Variants in ERC1 observed in about 807,000 individuals in gnomAD.
ERC1 encodes the protein RAB6 interacting protein 2.
A neutral mutation model predicts 132.0 loss-of-function variants in ERC1; 56 were observed. The ratio of observed to expected loss-of-function variants is 0.42; its 90% CI spans 0.34 to 0.53. The LOEUF (loss-of-function observed/expected upper bound fraction) is 0.53, where lower values mean the gene tolerates loss of function less well. Ranked by LOEUF, ERC1 falls within the 20% of genes least tolerant of loss-of-function variation. The pLI, the probability that ERC1 is intolerant of heterozygous loss-of-function variation, is 0.03. For synonymous variants in ERC1, 478 were observed against 476.1 expected, an observed-to-expected ratio of 1.00 and a Z score of -0.05; for missense variants, 1,202 against 1,349.9, an observed-to-expected ratio of 0.89 and a Z score of 1.72.
chr12:1,375,639 G>C (rs535482661), intron 16 of ERC1, among the ~76,000 whole-genome samples: 1 of 151,574 alleles, frequency 6.6e-6, no homozygotes, highest in South Asian at 2.1e-4. Flanking sequence ...TCCATTCCCT[G>C]TCACTGATAG....
chr12:1,093,922 A>T (rs1427570001), intron 3 of ERC1, among the ~76,000 whole-genome samples: 5 of 84,174 alleles, frequency 5.9e-5, no homozygotes, highest in Admixed American at 1.4e-4. Flanking sequence ...TCTATATATA[A>T]ATGTATATTT....
intron 16 of ERC1, chr12:1,386,529 T>TCCCAGCTA (rs2154380662): frequency 6.6e-6 from 1 of 151,340 alleles, no homozygotes. Context: ...ACACCTGTAA[T>TCCCAGCTA]CCCAGCTACT....
chr12:1,104,073 A>G (rs895199910), intron 3 of ERC1, among the ~76,000 whole-genome samples: 1 of 151,846 alleles, frequency 6.6e-6, no homozygotes, highest in Non-Finnish European at 1.5e-5. Flanking sequence ...GTAACCTGGA[A>G]GGCTCTGATA....
chr12:1,440,620 G>GT, intron 17 of ERC1, among the ~76,000 whole-genome samples: 1 of 94,368 alleles, frequency 1.1e-5, no homozygotes, highest in African/African-American at 8.7e-5. Context: ...GTGTGTGTGT[G>GT]TGTGTGTGTG....
chr12:1,222,225 T>TC (rs112132035), intron 12 of ERC1, among the ~76,000 whole-genome samples: 1 of 50,626 alleles, frequency 2.0e-5, no homozygotes, highest in African/African-American at 2.0e-4. Flanking sequence ...ACATATTCTC[T>TC]TTTTTTTTTT....
At chr12:1,359,437 G>C (rs765291529) in intron 15 of ERC1, among the ~76,000 whole-genome samples, 1 of 152,084 alleles carries the variant, frequency 6.6e-6, no homozygotes, top group African/African-American at 2.4e-5. Context: ...AGAAATTTTG[G>C]CTTATGGTTC....
chr12:1,137,924 CATATT>C (rs1476927416), intron 7 of ERC1, among the ~76,000 whole-genome samples: 27 of 134,906 alleles, frequency 2.0e-4, no homozygotes, highest in South Asian at 4.4e-4. Context: ...TTATATAATA[CATATT>C]ATATAATATA....
intron 17 of ERC1, among the ~76,000 whole-genome samples, chr12:1,442,986 C>T (rs577508851): frequency 1.5e-4 from 23 of 152,086 alleles, no homozygotes; most frequent in Admixed American, 5.9e-4. Flanking sequence ...CGGCTCACTG[C>T]AAGCTCCACC....
intron 18 of ERC1, among the ~76,000 whole-genome samples, chr12:1,479,630 G>T (rs1325161094): frequency 6.6e-6 from 1 of 152,182 alleles, no homozygotes; most frequent in African/African-American, 2.4e-5. Flanking sequence ...CTTGTGAGAT[G>T]CAGATTCCAA....
At chr12:1,389,937 G>C (rs949964183) in intron 16 of ERC1, among the ~76,000 whole-genome samples, 14 of 152,212 alleles carry the variant, frequency 9.2e-5, no homozygotes, top group African/African-American at 3.1e-4. Context: ...CCCTTGAGTA[G>C]GTTAATCTCT....
intron 13 of ERC1, among the ~76,000 whole-genome samples, chr12:1,244,317 A>G (rs929633282): frequency 1.3e-5 from 2 of 152,130 alleles, no homozygotes; most frequent in African/African-American, 4.8e-5. Flanking sequence ...TTTTATCACA[A>G]TGTTTTGTGT....
chr12:1,195,876 C>A (rs1956175974), intron 12 of ERC1, among the ~76,000 whole-genome samples: 1 of 68,852 alleles, frequency 1.5e-5, no homozygotes, highest in African/African-American at 1.1e-4. Context: ...CTTATTTCCG[C>A]CCCCCCCCCC....
At chr12:1,078,808 T>A (rs1000878119) in intron 2 of ERC1, among the ~76,000 whole-genome samples, 2 of 152,038 alleles carry the variant, frequency 1.3e-5, no homozygotes, top group Non-Finnish European at 2.9e-5. Context: ...AGAAATGATT[T>A]GTAATATGAC....
chr12:1,135,619 A>T (rs2968897), intron 7 of ERC1, among the ~76,000 whole-genome samples: 143,536 of 152,220 alleles, frequency 0.94, 68,234 homozygotes, highest in East Asian at 1. Context: ...CAATGACTGG[A>T]GTCCTTATAG....
chr12:1,187,577 T>C (rs1374395299), intron 11 of ERC1, among the ~76,000 whole-genome samples: 3 of 152,152 alleles, frequency 2.0e-5, no homozygotes, highest in African/African-American at 7.2e-5. Flanking sequence ...TCATTTGATA[T>C]TCTTAATAAT....
At chr12:1,435,575 C>T (rs1284740179) in intron 17 of ERC1, among the ~76,000 whole-genome samples, 1 of 152,138 alleles carries the variant, frequency 6.6e-6, no homozygotes, top group African/African-American at 2.4e-5. Flanking sequence ...ATTTCCTCAT[C>T]CTCTTGGTGA....
intron 1 of ERC1, among the ~76,000 whole-genome samples, chr12:1,023,730 A>G (rs1003663648): frequency 1.3e-5 from 2 of 152,230 alleles, no homozygotes; most frequent in African/African-American, 2.4e-5. Context: ...ACGAACAAAG[A>G]AGGAGGAGGG....
At position 1,240,174 on chromosome 12, in the gene ERC1, G is replaced by A. The variant is rs560967392; in HGVS notation, c.2487+3270G>A. ...TTTAAAACAAAGTATTTTTAAATCC[G>A]GAAACTTCATTGTGAGACTATAAAA... On this transcript the variant is annotated intron_variant, in intron 13 of 18. Coordinates refer to ENST00000360905, the MANE Select transcript of ERC1 (RefSeq NM_178040.4). Among the ~76,000 whole-genome samples, 229 of 152,230 alleles carry A rather than the reference G, an allele frequency of 1.5e-3. 1 individual carries two copies. Among genetic ancestry groups the A allele is most frequent in the Admixed American group, 4.6e-3 (70 of 15,296 alleles).
intron 12 of ERC1, among the ~76,000 whole-genome samples, chr12:1,211,253 A>T (rs1440303112): frequency 6.6e-6 from 1 of 151,954 alleles, no homozygotes; most frequent in African/African-American, 2.4e-5. Context: ...TTTTCAAGCG[A>T]TTCTCCTGCC....
Sources: gnomAD v4.1 joint callset for allele counts (sites outside exome capture counted in the v4.1 genomes callset) on GRCh38, gnomAD v4.1.1 for gene constraint, MANE v1.5 for transcripts, NCBI Gene and HGNC (gene_info 2026-07-23, HGNC 2026-07-21) for gene names.